MARCHF4: variants seen among roughly 807,000 people sequenced by gnomAD.
MARCHF4 encodes membrane associated ring-CH-type finger 4.
A neutral mutation model predicts 43.9 loss-of-function variants in MARCHF4; 14 were observed. That is an observed-to-expected ratio of 0.32 (90% CI 0.21 to 0.50). MARCHF4 has a LOEUF of 0.50. Ranked by LOEUF, MARCHF4 falls within the 20% of genes least tolerant of loss-of-function variation. The probability of loss-of-function intolerance (pLI) is 0.98; values close to 1 mark genes in which losing one functional copy is unlikely to be tolerated. For missense variants in MARCHF4, 468 were observed against 536.7 expected, an observed-to-expected ratio of 0.87 and a Z score of 1.27; for synonymous variants, 226 against 213.3, an observed-to-expected ratio of 1.06 and a Z score of -0.52.
chr2:216,277,994 T>A lies in MARCHF4; in HGVS notation c.673-130A>T, dbSNP rs74775692. On this transcript the variant is annotated intron_variant, in intron 2 of 3. Coordinates refer to ENST00000273067, the MANE Select transcript of MARCHF4 (RefSeq NM_020814.3). ...TAAGCCAGGGCTTTCCAACCTGTGG[T>A]ACAATGAGCATTTTGCAGGTTTCTG... is the stretch of plus-strand genomic sequence containing the variant. 1.7e-5 allele frequency: 13 copies of A among 755,584 alleles called. No individual in the cohort carries two copies. In the East Asian group the frequency reaches 3.7e-4, roughly 21 times the overall value. 46.8% of individuals were successfully genotyped at this position (755,584 alleles called of 1,614,324 possible). A position where few individuals can be genotyped will look rare whatever the true frequency, so the allele number is the denominator to read the frequency against.
At chr2:216,289,234 C>CCT (rs1350979942) in intron 1 of MARCHF4, among the ~76,000 whole-genome samples, 1 of 87,066 alleles carries the variant, frequency 1.1e-5, no homozygotes, top group African/African-American at 5.2e-5. Flanking sequence ...TTCTTCCCCA[C>CCT]CCGCCCCCCA....
chr2:216,355,945 C>G (rs1266943392), intron 1 of MARCHF4, among the ~76,000 whole-genome samples: 3 of 152,202 alleles, frequency 2.0e-5, no homozygotes, highest in African/African-American at 7.2e-5. Flanking sequence ...TCTACACCCT[C>G]ACCAGCTGCC....
chr2:216,289,233 AC>A (rs199838607), intron 1 of MARCHF4, among the ~76,000 whole-genome samples: 15 of 102,596 alleles, frequency 1.5e-4, no homozygotes, highest in South Asian at 7.5e-4. Context: ...TTTCTTCCCC[AC>A]CCGCCCCCCA....
intron 1 of MARCHF4, among the ~76,000 whole-genome samples, chr2:216,293,547 C>G (rs1691345354): frequency 1.3e-5 from 2 of 148,648 alleles, no homozygotes; most frequent in Admixed American, 1.3e-4. Flanking sequence ...TATTTTCCAG[C>G]CTTTCTGCTC....
At chr2:216,335,715 T>C (rs1692146593) in intron 1 of MARCHF4, among the ~76,000 whole-genome samples, 1 of 150,524 alleles carries the variant, frequency 6.6e-6, no homozygotes, top group Non-Finnish European at 1.5e-5. Context: ...GTACAATGAG[T>C]GCCTTGAATA....
rs376048394 is a variant in MARCHF4, at chr2:216,279,315, C to G, written c.673-1451G>C. ...ATACAAGTGGGTGGAGTGGAGACAGCAAAAGAGCTTGTGGGGTGAGACAAC... is the reference window on the plus strand; with the variant it reads ...ATACAAGTGGGTGGAGTGGAGACAGGAAAAGAGCTTGTGGGGTGAGACAAC... On this transcript the variant is annotated intron_variant, in intron 2 of 3. Transcript: ENST00000273067. 5.3e-5 allele frequency among the ~76,000 whole-genome samples: 8 copies of G among 152,254 alleles called. No homozygotes were observed. In the East Asian group the frequency reaches 1.4e-3, roughly 26 times the overall value.
Position 216,369,896 on chromosome 2 carries a change from G to GT in MARCHF4, c.364_365insA (p.Pro122HisfsTer17). On this transcript the variant is annotated frameshift_variant, in exon 1 of 4. Coordinates refer to ENST00000273067, the MANE Select transcript of MARCHF4 (RefSeq NM_020814.3). LOFTEE classifies it high-confidence loss of function. ...CAGCGAGGCAGGTGGCTCTGTGGCT[G>GT]GGCCACCCCAGTCATCTTCCACAGA... The GT allele has an allele frequency of 1.9e-6, 3 of 1,613,654 alleles. No homozygotes were observed. In the South Asian group the frequency reaches 3.3e-5, roughly 18 times the overall value.
intron 1 of MARCHF4, among the ~76,000 whole-genome samples, chr2:216,343,111 A>G (rs1450963813): frequency 1.3e-5 from 2 of 152,240 alleles, no homozygotes; most frequent in African/African-American, 4.8e-5. Context: ...AGGGATTCTT[A>G]AAGGACAAGG....
At chr2:216,324,234 C>G (rs1343158919) in intron 1 of MARCHF4, among the ~76,000 whole-genome samples, 1 of 146,144 alleles carries the variant, frequency 6.8e-6, no homozygotes, top group Non-Finnish European at 1.5e-5. Flanking sequence ...ATAAATTCCT[C>G]GACACATACA....
At chr2:216,285,977 G>C (rs1691212211) in intron 1 of MARCHF4, among the ~76,000 whole-genome samples, 1 of 152,226 alleles carries the variant, frequency 6.6e-6, no homozygotes, top group Non-Finnish European at 1.5e-5. Context: ...AGACAAGGCA[G>C]GAAGAGCTGC....
At chr2:216,266,935 T>C (rs900073879) in intron 3 of MARCHF4, among the ~76,000 whole-genome samples, 1 of 152,174 alleles carries the variant, frequency 6.6e-6, no homozygotes, top group Non-Finnish European at 1.5e-5. Context: ...ACAAAGCTTA[T>C]TATAAAGTTA....
chr2:216,316,786 T>C (rs2105960151), intron 1 of MARCHF4, among the ~76,000 whole-genome samples: 1 of 152,152 alleles, frequency 6.6e-6, no homozygotes, highest in Non-Finnish European at 1.5e-5. Flanking sequence ...GAAATCTGCA[T>C]TTTGAAAAAG....
intron 1 of MARCHF4, among the ~76,000 whole-genome samples, chr2:216,352,338 C>T (rs757113139): frequency 8.5e-5 from 13 of 152,190 alleles, no homozygotes; most frequent in Non-Finnish European, 1.8e-4. Flanking sequence ...AGATGGAGCT[C>T]CCAAGTCAAG....
chr2:216,348,007 T>G lies in MARCHF4; in HGVS notation c.516+21738A>C, dbSNP rs144298637. Reference sequence around the variant, plus strand: ...AAAATGAGGCTGAGACTCACTGGGCTGCATTCTCAGGAGGTTAAGGCATTC... The same window carrying G: ...AAAATGAGGCTGAGACTCACTGGGCGGCATTCTCAGGAGGTTAAGGCATTC... On this transcript the variant is annotated intron_variant, in intron 1 of 3. Coordinates refer to ENST00000273067, the MANE Select transcript of MARCHF4 (RefSeq NM_020814.3). Among the ~76,000 whole-genome samples, 1,125 of 150,300 alleles carry G rather than the reference T, an allele frequency of 7.5e-3. 14 individuals carry two copies. The highest frequency in any genetic ancestry group is 0.026 in the African/African-American group (1,047 of 40,988).
chr2:216,289,701 C>T (rs1392599458), intron 1 of MARCHF4, among the ~76,000 whole-genome samples: 1 of 152,176 alleles, frequency 6.6e-6, no homozygotes, highest in Non-Finnish European at 1.5e-5. Context: ...TCTGCCCACA[C>T]AGGTGTCAGG....
intron 1 of MARCHF4, among the ~76,000 whole-genome samples, chr2:216,335,668 G>T (rs974591600): frequency 1.3e-5 from 2 of 152,158 alleles, no homozygotes; most frequent in Non-Finnish European, 2.9e-5. Flanking sequence ...AGCCAAAAAA[G>T]AGTACAGAAA....
At chr2:216,348,551 C>T (rs963046875) in intron 1 of MARCHF4, among the ~76,000 whole-genome samples, 2 of 152,134 alleles carry the variant, frequency 1.3e-5, no homozygotes, top group African/African-American at 4.8e-5. Flanking sequence ...CAGGAAGTCC[C>T]CCTATGTGGT....
intron 1 of MARCHF4, among the ~76,000 whole-genome samples, chr2:216,348,860 A>G (rs1269482838): frequency 6.6e-6 from 1 of 151,720 alleles, no homozygotes; most frequent in Non-Finnish European, 1.5e-5. Context: ...CACACTAAAG[A>G]CTCCATTCAA....
chr2:216,354,972 TTTCTTTCTTTC>T (rs1178235346), intron 1 of MARCHF4, among the ~76,000 whole-genome samples: 3 of 139,570 alleles, frequency 2.1e-5, no homozygotes, highest in African/African-American at 8.5e-5. Flanking sequence ...TCTTTCTTTC[TTTCTTTCTTTC>T]TTTTTTGAGA....
Sources: gnomAD v4.1 joint callset for allele counts (sites outside exome capture counted in the v4.1 genomes callset) on GRCh38, gnomAD v4.1.1 for gene constraint, MANE v1.5 for transcripts, NCBI Gene and HGNC (gene_info 2026-07-23, HGNC 2026-07-21) for gene names.